Variants in CKAP4 observed in about 807,000 individuals in gnomAD.
The protein encoded by CKAP4 is cytoskeleton associated protein 4, also known as cytoskeleton-associated protein 4.
In CKAP4, 20 loss-of-function variants were observed where a neutral mutation model predicts 24.4. The ratio of observed to expected loss-of-function variants is 0.82; its 90% CI spans 0.58 to 1.19. The LOEUF (loss-of-function observed/expected upper bound fraction) is 1.19. Ranked by LOEUF, CKAP4 falls within the 50% of genes most tolerant of loss-of-function variation. The pLI, the probability that CKAP4 is intolerant of heterozygous loss-of-function variation, is 0.00. For missense variants in CKAP4, 744 were observed against 765.3 expected (o/e 0.97, Z 0.33); for synonymous variants, 378 against 351.7 (o/e 1.07, Z -0.84).
chr12:106,242,493 C>A (rs949724287), intron 1 of CKAP4, among the ~76,000 whole-genome samples: 1 of 152,162 alleles, frequency 6.6e-6, no homozygotes, highest in Admixed American at 6.5e-5. Context: ...CATCCAATAG[C>A]AAATAGGTCT....
chr12:106,239,645 C>T lies in CKAP4; in HGVS notation c.1188G>A (p.Ser396=), dbSNP rs758624024. The part of the protein sequence containing the change: ...GPKEDGGFRH[S]EAFEALQQKS... The stretch of plus-strand genomic sequence containing the variant: ...TTTGCTGGAGTGCCTCAAAGGCTTC[C>T]GAGTGTCTGAAGCCTCCGTCCTCCT... The change falls in exon 2 of 2, where the codon TCG becomes TCA. Residue 396 remains serine, a synonymous_variant. Coordinates refer to ENST00000378026, the MANE Select transcript of CKAP4 (RefSeq NM_006825.4). The surrounding 1 kb of genome is among the most constrained non-coding windows in gnomAD (Gnocchi z 4.9). 9.3e-6 allele frequency: 15 copies of T among 1,614,092 alleles called. No individual in the cohort carries two copies. Among genetic ancestry groups the T allele is most frequent in the East Asian group, 6.7e-5 (3 of 44,878 alleles).
At position 106,247,974 on chromosome 12, in the gene CKAP4, G is replaced by C. The variant is rs891694630; in HGVS notation, c.-123C>G. ...CGGCACGCGGGCGCTGCTGGCGTCG[G>C]AGCGGCGAGAGGACGCGCGGCCGGG... On this transcript the variant is annotated 5_prime_UTR_variant, in exon 1 of 2. Transcript: ENST00000378026. The surrounding 1 kb of genome is among the most constrained non-coding windows in gnomAD (Gnocchi z 4.5). The C allele has an allele frequency of 4.5e-4, 250 of 552,394 alleles. No individual in the cohort carries two copies. The African/African-American group carries it at 4.8e-3, about 11-fold the overall frequency. 34.2% of individuals were successfully genotyped at this position (552,394 alleles called of 1,614,324 possible).
At chr12:106,244,182 T>C (rs542515112) in intron 1 of CKAP4, among the ~76,000 whole-genome samples, 5 of 152,376 alleles carry the variant, frequency 3.3e-5, no homozygotes, top group East Asian at 3.9e-4. Context: ...CTCAAGTCAA[T>C]GGAACATTTA....
In CKAP4 at chr12:106,239,602, A is replaced by G. The variant is rs1425259630; in HGVS notation, c.1231T>C (p.Ser411Pro). ...CCATCCTCCACGTGCTGGAGCCTGGAGTCCAGTCCCTGACTCTTTTGCTGG... is the reference window on the plus strand; with the variant it reads ...CCATCCTCCACGTGCTGGAGCCTGGGGTCCAGTCCCTGACTCTTTTGCTGG... ...ALQQKSQGLD[S>P]RLQHVEDGVL... The change falls in exon 2 of 2, where the codon TCC becomes CCC. Residue 411 changes from serine (S) to proline (P), a missense_variant. Ser to Pro is a moderately conservative substitution (Grantham distance 74). This residue lies in a region of CKAP4 where 401 missense variants were observed against 424.5 expected (regional missense o/e 0.94). Transcript: ENST00000378026. This position sits in a 1 kb window ranked among gnomAD's most constrained non-coding sequence, Gnocchi z 4.9. The G allele has an allele frequency of 2.5e-6, 4 of 1,614,152 alleles. No individual in the cohort carries two copies. The highest frequency in any genetic ancestry group is 3.4e-6 in the Non-Finnish European group (4 of 1,180,026).
intron 1 of CKAP4, among the ~76,000 whole-genome samples, chr12:106,243,159 A>G (rs1273100532): frequency 1.3e-5 from 2 of 152,212 alleles, no homozygotes; most frequent in East Asian, 3.8e-4. Context: ...TTGACATTCA[A>G]CCGGACACTT....
rs745610546 is a variant in CKAP4, at chr12:106,239,357, A to C, written c.1476T>G (p.Ser492Arg). 1.2e-6 allele frequency: 2 copies of C among 1,603,960 alleles called. No homozygotes were observed. Among genetic ancestry groups the C allele is most frequent in the Non-Finnish European group, 1.7e-6 (2 of 1,178,958 alleles). ...CCACGGTGCTGGGGAGCTCGCCCACACTCCTCTTCAGCTCCTCCACGTCAC... is the reference window on the plus strand; with the variant it reads ...CCACGGTGCTGGGGAGCTCGCCCACCCTCCTCTTCAGCTCCTCCACGTCAC... The part of the protein sequence containing the change: ...LYGDVEELKR[S>R]VGELPSTVES... Residue 492 changes from serine (S) to arginine (R), a missense_variant, in exon 2 of 2, where the codon AGT becomes AGG. Around this residue, in one of 3 missense-constraint regions of CKAP4, gnomAD observed 401 missense variants for 424.5 expected, o/e 0.94. Coordinates refer to ENST00000378026, the MANE Select transcript of CKAP4 (RefSeq NM_006825.4). The surrounding 1 kb of genome is among the most constrained non-coding windows in gnomAD (Gnocchi z 4.9).
At position 106,238,426 on chromosome 12, in the gene CKAP4, A is replaced by G. The variant is rs1467018213; in HGVS notation, c.*598T>C. On this transcript the variant is annotated 3_prime_UTR_variant, in exon 2 of 2. Coordinates refer to ENST00000378026, the MANE Select transcript of CKAP4 (RefSeq NM_006825.4). ...CTCTGATATCACAAGATGCGTCAGG[A>G]AGAGAAACGACACGCACACCATGAG... The G allele has an allele frequency of 6.5e-6, 1 of 153,242 alleles. No homozygotes were observed. The highest frequency in any genetic ancestry group is 1.9e-4 in the East Asian group (1 of 5,188). The allele number at this position is 153,242 out of a possible 1,614,324, so 9.5% of individuals were successfully genotyped here. A position where few individuals can be genotyped will look rare whatever the true frequency, so the allele number is the denominator to read the frequency against.
Position 106,247,354 on chromosome 12 carries a change from G to A in CKAP4, c.483+15C>T. 1 of 1,519,186 alleles carries A rather than the reference G, an allele frequency of 6.6e-7. No individual in the cohort carries two copies. Among genetic ancestry groups the A allele is most frequent in the Non-Finnish European group, 8.8e-7 (1 of 1,137,732 alleles). 94.1% of individuals were successfully genotyped at this position (1,519,186 alleles called of 1,614,324 possible). On this transcript the variant is annotated intron_variant, in intron 1 of 1. Transcript: ENST00000378026. This position sits in a 1 kb window ranked among gnomAD's most constrained non-coding sequence, Gnocchi z 4.5. ...CGCAGTCGATGGGGACAGTTGCGGG[G>A]CCGGGGGTACCCACCTTCTGCTCGA... is the stretch of plus-strand genomic sequence containing the variant.
Position 106,239,794 on chromosome 12 carries a change from G to C in CKAP4, c.1039C>G (p.Leu347Val). 1 of 1,614,102 alleles carries C rather than the reference G, an allele frequency of 6.2e-7. No individual in the cohort carries two copies. The highest frequency in any genetic ancestry group is 8.5e-7 in the Non-Finnish European group (1 of 1,180,032). The change falls in exon 2 of 2, where the codon CTC becomes GTC. Residue 347 changes from leucine to valine, a missense_variant. Transcript: ENST00000378026. This position sits in a 1 kb window ranked among gnomAD's most constrained non-coding sequence, Gnocchi z 4.9. Reference protein sequence around the residue: ...AFKEAADTERLALQALTEKLL... With the variant: ...AFKEAADTERVALQALTEKLL... The stretch of plus-strand genomic sequence containing the variant: ...TTCTCCGTGAGGGCCTGCAGGGCGA[G>C]CCGCTCCGTGTCGGCCGCCTCCTTG...
Position 106,248,013 on chromosome 12 carries a change from C to T in CKAP4, c.-162G>A. The T allele has an allele frequency of 3.6e-6, 1 of 280,170 alleles. No individual in the cohort carries two copies. The highest frequency in any genetic ancestry group is 5.4e-6 in the Non-Finnish European group (1 of 183,898). 17.4% of individuals were successfully genotyped at this position (280,170 alleles called of 1,614,324 possible). On this transcript the variant is annotated 5_prime_UTR_variant, in exon 1 of 2. Transcript: ENST00000378026. ...CGCGCGGCCGGGGAAGGAGGCCGGG[C>T]CGAGGAGGCGGGAGGAGGGGGCCTG... is the stretch of plus-strand genomic sequence containing the variant.
chr12:106,242,986 ATTC>A (rs1174354015), intron 1 of CKAP4, among the ~76,000 whole-genome samples: 1 of 152,230 alleles, frequency 6.6e-6, no homozygotes, highest in African/African-American at 2.4e-5. Context: ...TGTGCAAATA[ATTC>A]ATTATCATCA....
Position 106,239,110 on chromosome 12 carries a change from C to T in CKAP4, c.1723G>A (p.Glu575Lys), listed in dbSNP as rs1190150834. 6.2e-7 allele frequency: 1 copy of T among 1,613,880 alleles called. No individual in the cohort carries two copies. Among genetic ancestry groups the T allele is most frequent in the Non-Finnish European group, 8.5e-7 (1 of 1,180,038 alleles). The change falls in exon 2 of 2, where the codon GAA (glutamate) becomes AAA (lysine). Residue 575 changes from glutamate to lysine, a missense_variant. By Grantham distance (56) the Glu-to-Lys change is moderately conservative (BLOSUM62 1). Around this residue, in one of 3 missense-constraint regions of CKAP4, gnomAD observed 401 missense variants for 424.5 expected, o/e 0.94. Transcript: ENST00000378026. The surrounding 1 kb of genome is among the most constrained non-coding windows in gnomAD (Gnocchi z 4.9). ...VKIETNENNLESAKGLLDDLR... is the reference protein window; with the variant it reads ...VKIETNENNLKSAKGLLDDLR... ...TCATCTAGTAAACCCTTGGCTGATT[C>T]CAGATTGTTCTCGTTGGTTTCTATT... is the stretch of plus-strand genomic sequence containing the variant.
intron 1 of CKAP4, among the ~76,000 whole-genome samples, chr12:106,244,572 A>C (rs1435283575): frequency 6.6e-6 from 1 of 152,242 alleles, no homozygotes; most frequent in African/African-American, 2.4e-5. Context: ...GCTTGAGCCC[A>C]GGAGTTTGAG....
chr12:106,245,231 G>C (rs1425076296), intron 1 of CKAP4, among the ~76,000 whole-genome samples: 1 of 152,078 alleles, frequency 6.6e-6, no homozygotes, highest in African/African-American at 2.4e-5. Context: ...CGGGATACAG[G>C]CGAAATTCCA....
chr12:106,246,151 G>A (rs2034008407), intron 1 of CKAP4, among the ~76,000 whole-genome samples: 1 of 152,172 alleles, frequency 6.6e-6, no homozygotes, highest in South Asian at 2.1e-4. Context: ...CGCCTTGAGA[G>A]TTGGGTCCAT....
intron 1 of CKAP4, 135 bp from the exon 2 acceptor site, chr12:106,240,484 C>A: frequency 1.0e-6 from 1 of 976,436 alleles, no homozygotes; most frequent in Non-Finnish European, 1.5e-6. Flanking sequence ...GGAGAAACAT[C>A]CTTCCACATA....
At position 106,238,966 on chromosome 12, in the gene CKAP4, ACATT is replaced by A. The variant is rs2033938131; in HGVS notation, c.*54_*57del. On this transcript the variant is annotated 3_prime_UTR_variant, in exon 2 of 2. Transcript: ENST00000378026. Reference sequence around the variant, plus strand: ...TAGGGGACACATGGGAAAAAACCACACATTTTTTGGTCATGAGAAATTGGACTTT... The same window carrying A: ...TAGGGGACACATGGGAAAAAACCACATTTTGGTCATGAGAAATTGGACTTT... 6.4e-7 allele frequency: 1 copy of A among 1,572,374 alleles called. No homozygotes were observed. The highest frequency in any genetic ancestry group is 2.2e-5 in the East Asian group (1 of 44,454).
At chr12:106,243,757 G>C (rs1180556025) in intron 1 of CKAP4, among the ~76,000 whole-genome samples, 1 of 152,190 alleles carries the variant, frequency 6.6e-6, no homozygotes. Context: ...TGGAGAACAA[G>C]AGACAGGTGG....
At chr12:106,244,536 C>G (rs1362979874) in intron 1 of CKAP4, among the ~76,000 whole-genome samples, 1 of 152,258 alleles carries the variant, frequency 6.6e-6, no homozygotes, top group African/African-American at 2.4e-5. Context: ...AATCCCAGCA[C>G]TTTGAGAGGC....
Sources: gnomAD v4.1 joint callset for allele counts (sites outside exome capture counted in the v4.1 genomes callset) on GRCh38, gnomAD v4.1.1 for gene constraint, gnomAD v4.1.1 regional missense constraint, Gnocchi (gnomAD v3.1) non-coding constraint, MANE v1.5 for transcripts, NCBI Gene and HGNC (gene_info 2026-07-23, HGNC 2026-07-21) for gene names.